ABHD6: variants seen among roughly 807,000 people sequenced by gnomAD.
ABHD6 encodes abhydrolase domain containing 6, acylglycerol lipase.
Under a neutral mutation model 38.8 loss-of-function variants are expected in ABHD6, and 33 were observed. That is an observed-to-expected ratio of 0.85 (90% confidence interval 0.64 to 1.14). ABHD6 has a LOEUF of 1.14. Among genes scored for constraint, ABHD6 ranks in the 50% most tolerant of loss-of-function variants. ABHD6 has a pLI of 0.00. For synonymous variants in ABHD6, 147 were observed against 161.6 expected (o/e 0.91, Z 0.69); for missense variants, 380 against 422.6 (o/e 0.90, Z 0.88).
chr3:58,276,585 G>A (rs2097448904), intron 7 of ABHD6, among the ~76,000 whole-genome samples: 1 of 152,182 alleles, frequency 6.6e-6, no homozygotes, highest in African/African-American at 2.4e-5. Context: ...TCTGATGGCA[G>A]TTTCTTTTGC....
rs1312912469 is a variant in ABHD6 at position 58,237,823 on chromosome 3, G to C, written c.-184G>C. On this transcript the variant is annotated 5_prime_UTR_variant, in exon 1 of 10. Coordinates refer to ENST00000478253, the MANE Select transcript of ABHD6 (RefSeq NM_001320126.2). ...GGCGCCGGAGCTGGGAGCGGCGCGG[G>C]TAGGAGCCCGGCGGCAGGTCCCAGC... 2 of 152,074 alleles carry C rather than the reference G, an allele frequency of 1.3e-5. No homozygotes were observed. The highest frequency in any genetic ancestry group is 2.9e-5 in the Non-Finnish European group (2 of 68,000). 9.4% of individuals were successfully genotyped at this position (152,074 alleles called of 1,614,324 possible).
intron 9 of ABHD6, among the ~76,000 whole-genome samples, chr3:58,290,467 G>A (rs2097461491): frequency 8.3e-6 from 1 of 120,464 alleles, no homozygotes; most frequent in South Asian, 3.0e-4. Context: ...GCCGGGCGGG[G>A]GGCTGACCCC....
intron 6 of ABHD6, among the ~76,000 whole-genome samples, chr3:58,271,285 T>C (rs2097444686): frequency 6.6e-6 from 1 of 152,044 alleles, no homozygotes; most frequent in African/African-American, 2.4e-5. Context: ...ACCAAGAATT[T>C]GAGGTGGGGC....
rs1201211329 is a variant in ABHD6 at position 58,269,565 on chromosome 3, A to G, written c.390+131A>G. 3.0e-6 allele frequency: 2 copies of G among 674,336 alleles called. No homozygotes were observed. Among genetic ancestry groups the G allele is most frequent in the Non-Finnish European group, 5.1e-6 (2 of 393,602 alleles). The allele number at this position is 674,336 out of a possible 1,614,324, so 41.8% of individuals were successfully genotyped here. ...CTCCTGTACATTCTGTCTACAAGTG[A>G]TGGCAAGCCAAATGGCAACCTGATG... On this transcript the variant is annotated intron_variant, in intron 5 of 9. Coordinates refer to ENST00000478253, the MANE Select transcript of ABHD6 (RefSeq NM_001320126.2). This position sits in a 1 kb window ranked among gnomAD's most constrained non-coding sequence, Gnocchi z 4.4.
chr3:58,261,010 A>G (rs2097436582), intron 3 of ABHD6, among the ~76,000 whole-genome samples: 2 of 152,194 alleles, frequency 1.3e-5, no homozygotes, highest in East Asian at 1.9e-4. Flanking sequence ...ATGCTTCAAC[A>G]TGAGTCAACA....
chr3:58,252,144 G>A (rs1391550625), intron 2 of ABHD6, among the ~76,000 whole-genome samples: 1 of 151,712 alleles, frequency 6.6e-6, no homozygotes, highest in East Asian at 1.9e-4. Context: ...TTGTCCCTCA[G>A]TGGCAGCCAT....
Position 58,248,013 on chromosome 3 carries a change from T to G in ABHD6, c.-90-1865T>G, listed in dbSNP as rs1469035222. Among the ~76,000 whole-genome samples the G allele has an allele frequency of 2.0e-5, 3 of 152,242 alleles. No homozygotes were observed. The East Asian group carries it at 5.8e-4, about 29-fold the overall frequency. On this transcript the variant is annotated intron_variant, in intron 1 of 9. Transcript: ENST00000478253. Reference sequence around the variant, plus strand: ...GTGCTAACCATAATCATGGCCAATTTCTTTTGTGTCCATTCAGAAGGATTT... The same window carrying G: ...GTGCTAACCATAATCATGGCCAATTGCTTTTGTGTCCATTCAGAAGGATTT...
Position 58,256,728 on chromosome 3 carries a change from G to A in ABHD6, c.119+23G>A, listed in dbSNP as rs372768022. 1.6e-5 allele frequency: 24 copies of A among 1,529,922 alleles called. No homozygotes were observed. Among genetic ancestry groups the A allele is most frequent in the Non-Finnish European group, 2.0e-5 (22 of 1,108,100 alleles). 94.8% of individuals were successfully genotyped at this position (1,529,922 alleles called of 1,614,324 possible). On this transcript the variant is annotated intron_variant, in intron 3 of 9. Coordinates refer to ENST00000478253, the MANE Select transcript of ABHD6 (RefSeq NM_001320126.2). This position sits in a 1 kb window ranked among gnomAD's most constrained non-coding sequence, Gnocchi z 4.3. ...TTGGTAAGCCAGTTTTATCATTGAT[G>A]TTTTCAAGAGTATCATAATATTGAC...
At chr3:58,247,039 C>CTTT (rs11341432) in intron 1 of ABHD6, among the ~76,000 whole-genome samples, 2 of 138,866 alleles carry the variant, frequency 1.4e-5, no homozygotes, top group African/African-American at 5.3e-5. Flanking sequence ...TCTAATGGGC[C>CTTT]TTTTTTTTTT....
At chr3:58,252,229 GTTTTTTTTTTT>G (rs10671892) in intron 2 of ABHD6, among the ~76,000 whole-genome samples, 4 of 80,966 alleles carry the variant, frequency 4.9e-5, no homozygotes, top group East Asian at 4.2e-4. Flanking sequence ...TTGACTGCTT[GTTTTTTTTTTT>G]TTTTTTTTTT....
intron 7 of ABHD6, among the ~76,000 whole-genome samples, chr3:58,276,245 G>A (rs1395212753): frequency 2.6e-4 from 40 of 152,284 alleles, no homozygotes; most frequent in South Asian, 8.3e-4. Flanking sequence ...GTGTAAAAGC[G>A]TTCCTATTTC....
chr3:58,246,166 G>A (rs528795284), intron 1 of ABHD6, among the ~76,000 whole-genome samples: 10 of 152,172 alleles, frequency 6.6e-5, no homozygotes, highest in Non-Finnish European at 1.2e-4. Flanking sequence ...CTCCTTAAAC[G>A]TAAAGGGTCA....
chr3:58,282,806 A>C (rs2097454323), intron 7 of ABHD6, among the ~76,000 whole-genome samples: 1 of 152,198 alleles, frequency 6.6e-6, no homozygotes, highest in African/African-American at 2.4e-5. Context: ...CTTGGGGAAT[A>C]TGCCAAGGAC....
chr3:58,285,394 C>T lies in ABHD6; in HGVS notation c.778C>T (p.His260Tyr). ...CAGTGAGAAGTCCAGATACTCTCTC[C>T]ATCAGAACATGGACAAGATCAAGGT... ...IVSEKSRYSL[H>Y]QNMDKIKVPT... Residue 260 changes from histidine to tyrosine, a missense_variant, in exon 9 of 10, where the codon CAT becomes TAT. His to Tyr is a moderately conservative substitution (Grantham distance 83, BLOSUM62 2). Coordinates refer to ENST00000478253, the MANE Select transcript of ABHD6 (RefSeq NM_001320126.2). The surrounding 1 kb of genome is among the most constrained non-coding windows in gnomAD (Gnocchi z 4.9). 6 of 1,614,116 alleles carry T rather than the reference C, an allele frequency of 3.7e-6. No homozygotes were observed. The highest frequency in any genetic ancestry group is 2.2e-5 in the South Asian group (2 of 91,072).
chr3:58,258,168 G>T (rs1163360849), intron 3 of ABHD6, among the ~76,000 whole-genome samples: 1 of 152,028 alleles, frequency 6.6e-6, no homozygotes, highest in African/African-American at 2.4e-5. Flanking sequence ...TTAGCTAGGC[G>T]TGGTGGTGCA....
At chr3:58,252,634 T>C (rs151194552) in intron 2 of ABHD6, among the ~76,000 whole-genome samples, 147 of 152,330 alleles carry the variant, frequency 9.7e-4, no homozygotes, top group Non-Finnish European at 1.9e-3. Context: ...CCCTGAAACA[T>C]TCTTTAGTAC....
intron 9 of ABHD6, among the ~76,000 whole-genome samples, chr3:58,292,459 T>C (rs1575535794): frequency 6.6e-6 from 1 of 152,058 alleles, no homozygotes; most frequent in African/African-American, 2.4e-5. Context: ...TGGAGGTGGA[T>C]TGGCATAGTA....
chr3:58,291,248 T>C (rs9873639), intron 9 of ABHD6, among the ~76,000 whole-genome samples: 116,486 of 149,016 alleles, frequency 0.78, 46,288 homozygotes, highest in East Asian at 1. Flanking sequence ...CGTGGCAGTG[T>C]GCACCTGCAA....
chr3:58,281,101 G>A (rs1057107993), intron 7 of ABHD6, among the ~76,000 whole-genome samples: 10 of 152,258 alleles, frequency 6.6e-5, no homozygotes, highest in African/African-American at 2.4e-4. Context: ...CTCAAATGCT[G>A]TGCTGGGAGA....
Sources: gnomAD v4.1 joint callset for allele counts (sites outside exome capture counted in the v4.1 genomes callset) on GRCh38, gnomAD v4.1.1 for gene constraint, Gnocchi (gnomAD v3.1) non-coding constraint, MANE v1.5 for transcripts, NCBI Gene and HGNC (gene_info 2026-07-23, HGNC 2026-07-21) for gene names.